SH3RF1: variants seen among roughly 807,000 people sequenced by gnomAD.
SH3RF1 encodes the protein SH3 domain containing ring finger 1, also known as E3 ubiquitin-protein ligase SH3RF1.
A neutral mutation model predicts 74.0 loss-of-function variants in SH3RF1; 32 were observed. That is an observed-to-expected ratio of 0.43 (90% CI 0.33 to 0.58). The LOEUF (loss-of-function observed/expected upper bound fraction) is 0.58, where lower values mean the gene tolerates loss of function less well. Among genes scored for constraint, SH3RF1 ranks in the 20% least tolerant of loss-of-function variants. The pLI is 0.05. For synonymous variants in SH3RF1, 396 were observed against 439.6 expected, an observed-to-expected ratio of 0.90 and a Z score of 1.24; for missense variants, 954 against 1,130.9, an observed-to-expected ratio of 0.84 and a Z score of 2.24.
At chr4:169,202,306 A>C (rs1734923067) in intron 2 of SH3RF1, among the ~76,000 whole-genome samples, 1 of 152,150 alleles carries the variant, frequency 6.6e-6, no homozygotes, top group African/African-American at 2.4e-5. Context: ...CCTCCGTAGG[A>C]GGCTAGTTCT....
chr4:169,142,779 C>G (rs1316130060), intron 4 of SH3RF1, among the ~76,000 whole-genome samples: 1 of 152,196 alleles, frequency 6.6e-6, no homozygotes, highest in Non-Finnish European at 1.5e-5. Flanking sequence ...AATTCATGCC[C>G]ATTTACATCC....
intron 2 of SH3RF1, among the ~76,000 whole-genome samples, chr4:169,244,920 T>C (rs1167853302): frequency 6.6e-6 from 1 of 152,200 alleles, no homozygotes; most frequent in Non-Finnish European, 1.5e-5. Flanking sequence ...GTCCAGTTTT[T>C]AGAAAAGGTT....
At chr4:169,187,242 A>G (rs67056191) in intron 2 of SH3RF1, among the ~76,000 whole-genome samples, 16,969 of 152,140 alleles carry the variant, frequency 0.11, 978 homozygotes, top group Middle Eastern at 0.16. Flanking sequence ...CGTGTCACCC[A>G]GGCTAGAGCG....
intron 2 of SH3RF1, among the ~76,000 whole-genome samples, chr4:169,195,343 C>T (rs1015405860): frequency 2.6e-5 from 4 of 152,178 alleles, no homozygotes; most frequent in African/African-American, 9.6e-5. Context: ...ACTCTGGTTG[C>T]TTTCAAGATT....
intron 11 of SH3RF1, among the ~76,000 whole-genome samples, chr4:169,102,388 T>C (rs1448652652): frequency 6.6e-6 from 1 of 151,570 alleles, no homozygotes; most frequent in Non-Finnish European, 1.5e-5. Context: ...TCAAAGATCA[T>C]ACATAGATTT....
At chr4:169,194,421 C>T (rs1327696950) in intron 2 of SH3RF1, among the ~76,000 whole-genome samples, 1 of 152,160 alleles carries the variant, frequency 6.6e-6, no homozygotes, top group Admixed American at 6.6e-5. Context: ...CATCCTTAGA[C>T]ACTCTGGTTT....
chr4:169,242,142 G>C (rs1730922992), intron 2 of SH3RF1, among the ~76,000 whole-genome samples: 2 of 151,618 alleles, frequency 1.3e-5, no homozygotes, highest in Admixed American at 1.3e-4. Flanking sequence ...TTTTTGTAGA[G>C]GAGTGAAAAT....
intron 11 of SH3RF1, among the ~76,000 whole-genome samples, chr4:169,102,622 A>AC (rs1733059204): frequency 6.6e-6 from 1 of 151,508 alleles, no homozygotes; most frequent in Non-Finnish European, 1.5e-5. Context: ...TTTCCTAATT[A>AC]TTTTTTTCTC....
intron 2 of SH3RF1, among the ~76,000 whole-genome samples, chr4:169,236,295 C>T (rs1001135893): frequency 3.9e-5 from 6 of 152,194 alleles, no homozygotes; most frequent in African/African-American, 7.2e-5. Flanking sequence ...AGCCAGAACT[C>T]GACTTGCCAA....
chr4:169,203,979 T>C (rs993773830), intron 2 of SH3RF1: 8 of 152,206 alleles, frequency 5.3e-5, no homozygotes, highest in African/African-American at 9.6e-5. Flanking sequence ...AGGACTACTA[T>C]GAAGAAAGCG....
At chr4:169,150,019 C>A (rs757441114) in intron 4 of SH3RF1, among the ~76,000 whole-genome samples, 1 of 152,198 alleles carries the variant, frequency 6.6e-6, no homozygotes, top group Non-Finnish European at 1.5e-5. Context: ...GAAGAGGAAG[C>A]TAGCACCCCC....
At chr4:169,252,888 G>A (rs2110748284) in intron 2 of SH3RF1, among the ~76,000 whole-genome samples, 1 of 152,184 alleles carries the variant, frequency 6.6e-6, no homozygotes, top group Middle Eastern at 3.4e-3. Flanking sequence ...ATAGCAAAGG[G>A]GAAGTTAAAC....
In SH3RF1 at chr4:169,112,650, T is replaced by C. The variant is rs963750069; in HGVS notation, c.2139+3619A>G. 2.6e-5 allele frequency among the ~76,000 whole-genome samples: 4 copies of C among 152,152 alleles called. No individual in the cohort carries two copies. The East Asian group carries it at 5.8e-4, about 22-fold the overall frequency. ...CAGGGAGCAGCCTAATGGCTCAAAT[T>C]TTTAAAGGGCACGTACAAAAAGATC... On this transcript the variant is annotated intron_variant, in intron 10 of 11. Coordinates refer to ENST00000284637, the MANE Select transcript of SH3RF1 (RefSeq NM_020870.4).
chr4:169,176,001 ATTCCTTTCTC>A (rs1287319548), intron 2 of SH3RF1, among the ~76,000 whole-genome samples: 2 of 152,172 alleles, frequency 1.3e-5, no homozygotes, highest in Admixed American at 6.5e-5. Flanking sequence ...CACAAGAGAG[ATTCCTTTCTC>A]TTCCTTTCTG....
At chr4:169,150,155 T>C (rs939262622) in intron 4 of SH3RF1, among the ~76,000 whole-genome samples, 3 of 152,228 alleles carry the variant, frequency 2.0e-5, no homozygotes, top group African/African-American at 7.2e-5. Context: ...AGAAAGTGAA[T>C]ACAACTAATT....
intron 2 of SH3RF1, among the ~76,000 whole-genome samples, chr4:169,195,100 AG>A (rs1247930425): frequency 1.3e-5 from 2 of 152,124 alleles, no homozygotes; most frequent in Non-Finnish European, 2.9e-5. Flanking sequence ...CTTTAGCTAA[AG>A]TCTGTTTGTT....
At chr4:169,266,875 T>A (rs1731364829) in intron 2 of SH3RF1, among the ~76,000 whole-genome samples, 1 of 152,204 alleles carries the variant, frequency 6.6e-6, no homozygotes, top group African/African-American at 2.4e-5. Flanking sequence ...AATAGGTTTG[T>A]TTTTGTCCTC....
At chr4:169,267,527 A>C (rs765147189) in intron 2 of SH3RF1, among the ~76,000 whole-genome samples, 2 of 152,270 alleles carry the variant, frequency 1.3e-5, no homozygotes, top group Non-Finnish European at 2.9e-5. Context: ...TGGGCTCCAA[A>C]TAAGGAAAAG....
intron 2 of SH3RF1, among the ~76,000 whole-genome samples, chr4:169,169,909 G>A (rs1230200223): frequency 6.6e-6 from 1 of 152,006 alleles, no homozygotes; most frequent in Non-Finnish European, 1.5e-5. Flanking sequence ...ATATTCTGTG[G>A]TACTAAAATG....
Sources: gnomAD v4.1 joint callset for allele counts (sites outside exome capture counted in the v4.1 genomes callset) on GRCh38, gnomAD v4.1.1 for gene constraint, MANE v1.5 for transcripts, NCBI Gene and HGNC (gene_info 2026-07-23, HGNC 2026-07-21) for gene names.